The following MAGI3 variants were observed in gnomAD, a reference collection of about 807,000 sequenced individuals.
MAGI3 encodes membrane associated guanylate kinase, WW and PDZ domain containing 3, also known as membrane-associated guanylate kinase, WW and PDZ domain-containing protein 3.
In MAGI3, 43 loss-of-function variants were observed where a neutral mutation model predicts 121.8. The ratio of observed to expected loss-of-function variants is 0.35; its 90% CI spans 0.28 to 0.46. The LOEUF (loss-of-function observed/expected upper bound fraction) is 0.46. MAGI3 is among the 20% of genes least tolerant of loss of function. MAGI3 has a pLI of 1.00. For missense variants in MAGI3, 1,547 were observed against 1,797.3 expected (o/e 0.86, Z 2.52); for synonymous variants, 553 against 639.3 (o/e 0.86, Z 2.04).
At chr1:113,420,633 C>T (rs1389321894) in intron 1 of MAGI3, among the ~76,000 whole-genome samples, 1 of 152,100 alleles carries the variant, frequency 6.6e-6, no homozygotes, top group Non-Finnish European at 1.5e-5. Flanking sequence ...TACACTTTTC[C>T]AAATAGGAGA....
chr1:113,540,424 C>G (rs1374879952), intron 1 of MAGI3, among the ~76,000 whole-genome samples: 2 of 151,444 alleles, frequency 1.3e-5, no homozygotes, highest in Non-Finnish European at 2.9e-5. Flanking sequence ...TTAGTGTGGA[C>G]TCCAGAGTTC....
chr1:113,597,622 A>C (rs1036798512), intron 6 of MAGI3, among the ~76,000 whole-genome samples: 2 of 152,200 alleles, frequency 1.3e-5, no homozygotes, highest in Non-Finnish European at 2.9e-5. Flanking sequence ...GGCTAGAGAT[A>C]CCATCTACAT....
At chr1:113,646,973 C>T (rs984816630) in intron 12 of MAGI3, among the ~76,000 whole-genome samples, 1 of 152,058 alleles carries the variant, frequency 6.6e-6, no homozygotes, top group African/African-American at 2.4e-5. Context: ...CAAATAAGTA[C>T]ACATAATAAG....
intron 13 of MAGI3, among the ~76,000 whole-genome samples, chr1:113,649,807 C>G (rs938687350): frequency 6.6e-6 from 1 of 152,164 alleles, no homozygotes; most frequent in Non-Finnish European, 1.5e-5. Context: ...GTCATTTCAT[C>G]TGTTACCTTT....
At chr1:113,584,725 A>G (rs186429913) in intron 3 of MAGI3, among the ~76,000 whole-genome samples, 233 of 152,284 alleles carry the variant, frequency 1.5e-3, no homozygotes, top group African/African-American at 5.3e-3. Flanking sequence ...GACAGCATCA[A>G]TGCATTTAAA....
At chr1:113,488,280 G>T (rs554341486) in intron 1 of MAGI3, among the ~76,000 whole-genome samples, 56 of 152,320 alleles carry the variant, frequency 3.7e-4, no homozygotes, top group Admixed American at 9.8e-4. Flanking sequence ...CATCTGTAGT[G>T]GTGCATGGCC....
Position 113,391,246 on chromosome 1 carries a change from G to T in MAGI3, c.213G>T (p.Leu71=). Residue 71 remains leucine, a synonymous_variant, in exon 1 of 21, where the codon CTG becomes CTT. Coordinates refer to ENST00000307546, the MANE Select transcript of MAGI3 (RefSeq NM_001142782.2). The surrounding 1 kb of genome is among the most constrained non-coding windows in gnomAD (Gnocchi z 4.4). Reference sequence around the variant, plus strand: ...AGGCGCCCAGCCCAGGCGATGTGCTGCTGGAGGTAAACGGGACGCCTGTCA... The same window carrying T: ...AGGCGCCCAGCCCAGGCGATGTGCTTCTGGAGGTAAACGGGACGCCTGTCA... ...SGKAPSPGDV[L]LEVNGTPVSG... 6.3e-7 allele frequency: 1 copy of T among 1,575,462 alleles called. No individual in the cohort carries two copies. Among genetic ancestry groups the T allele is most frequent in the Non-Finnish European group, 8.6e-7 (1 of 1,161,508 alleles).
intron 1 of MAGI3, among the ~76,000 whole-genome samples, chr1:113,547,936 A>C (rs1330675064): frequency 6.6e-6 from 1 of 152,104 alleles, no homozygotes; most frequent in Non-Finnish European, 1.5e-5. Context: ...CAAAAGAAGG[A>C]CTTTTTAGGG....
chr1:113,519,008 T>C (rs1658056651), intron 1 of MAGI3, among the ~76,000 whole-genome samples: 1 of 152,196 alleles, frequency 6.6e-6, no homozygotes, highest in Non-Finnish European at 1.5e-5. Flanking sequence ...TACTACGAAC[T>C]ACACATTATT....
At chr1:113,605,201 T>C (rs1220812079) in intron 6 of MAGI3, among the ~76,000 whole-genome samples, 1 of 152,156 alleles carries the variant, frequency 6.6e-6, no homozygotes, top group Non-Finnish European at 1.5e-5. Context: ...AGAATGATTA[T>C]GACAGCCTTT....
intron 1 of MAGI3, among the ~76,000 whole-genome samples, chr1:113,459,411 A>G (rs1557768383): frequency 6.6e-6 from 1 of 152,216 alleles, no homozygotes; most frequent in South Asian, 2.1e-4. Context: ...ATACTACCAC[A>G]TATTCTTTTA....
intron 1 of MAGI3, among the ~76,000 whole-genome samples, chr1:113,540,965 T>C (rs2101655406): frequency 6.6e-6 from 1 of 152,316 alleles, no homozygotes; most frequent in South Asian, 2.1e-4. Context: ...ATATTTTTAG[T>C]TTGGTAGAGC....
chr1:113,621,465 A>G (rs1474349910), intron 8 of MAGI3, among the ~76,000 whole-genome samples: 1 of 152,174 alleles, frequency 6.6e-6, no homozygotes, highest in African/African-American at 2.4e-5. Context: ...GGGAGGTCAG[A>G]CAGTACAACT....
intron 1 of MAGI3, among the ~76,000 whole-genome samples, chr1:113,463,311 G>T (rs1655120957): frequency 6.6e-6 from 1 of 151,148 alleles, no homozygotes; most frequent in Non-Finnish European, 1.5e-5. Context: ...GGAAAGAGAG[G>T]ATAAATGGAA....
intron 1 of MAGI3, among the ~76,000 whole-genome samples, chr1:113,528,202 T>G (rs2101636072): frequency 6.6e-6 from 1 of 152,162 alleles, no homozygotes; most frequent in East Asian, 1.9e-4. Flanking sequence ...TTTTTTCCCT[T>G]CCTAAACAGG....
intron 1 of MAGI3, among the ~76,000 whole-genome samples, chr1:113,441,504 A>G (rs1653910651): frequency 6.6e-6 from 1 of 152,206 alleles, no homozygotes; most frequent in Non-Finnish European, 1.5e-5. Context: ...TCTCTAGTTC[A>G]ACTACATTTT....
intron 15 of MAGI3, among the ~76,000 whole-genome samples, chr1:113,657,889 C>G (rs929016141): frequency 9.9e-5 from 15 of 152,168 alleles, no homozygotes; most frequent in African/African-American, 3.4e-4. Flanking sequence ...CTGTGTATTC[C>G]TAGAAGAGCC....
chr1:113,508,956 G>T (rs913342658), intron 1 of MAGI3, among the ~76,000 whole-genome samples: 2 of 152,076 alleles, frequency 1.3e-5, no homozygotes, highest in African/African-American at 4.8e-5. Flanking sequence ...CTAAAAATGT[G>T]TGGGAAGAAA....
chr1:113,604,565 CAAAAAAAAAAAAAAAA>C (rs59047770), intron 6 of MAGI3, among the ~76,000 whole-genome samples: 11 of 62,012 alleles, frequency 1.8e-4, no homozygotes, highest in Admixed American at 1.5e-3. Flanking sequence ...GTCTCCATCT[CAAAAAAAAAAAAAAAA>C]AAAAAAAAAA....
Sources: gnomAD v4.1 joint callset for allele counts (sites outside exome capture counted in the v4.1 genomes callset) on GRCh38, gnomAD v4.1.1 for gene constraint, Gnocchi (gnomAD v3.1) non-coding constraint, MANE v1.5 for transcripts, NCBI Gene and HGNC (gene_info 2026-07-23, HGNC 2026-07-21) for gene names.